Variants in CHD9 observed in about 807,000 individuals in gnomAD.
CHD9 encodes the protein ATP-dependent chromatin remodeler CHD9.
In CHD9, 77 loss-of-function variants were observed where a neutral mutation model predicts 316.1. That is an observed-to-expected ratio of 0.24 (90% CI 0.20 to 0.29). The LOEUF is 0.29. CHD9 is among the 10% of genes least tolerant of loss of function. The pLI is 1.00. For missense variants in CHD9, 2,763 were observed against 3,438.1 expected (o/e 0.80, Z 4.91); for synonymous variants, 1,129 against 1,158.3 (o/e 0.97, Z 0.51).
At chr16:53,197,503 G>A (rs966771774) in intron 2 of CHD9, among the ~76,000 whole-genome samples, 1 of 152,032 alleles carries the variant, frequency 6.6e-6, no homozygotes, top group Non-Finnish European at 1.5e-5. Context: ...TTTATATCAG[G>A]ACTCTATTAT....
intron 22 of CHD9, among the ~76,000 whole-genome samples, chr16:53,272,106 G>A (rs1379441592): frequency 6.6e-6 from 1 of 151,968 alleles, no homozygotes; most frequent in Non-Finnish European, 1.5e-5. Flanking sequence ...ATACTTTAAA[G>A]AGATATTATT....
Position 53,156,509 on chromosome 16 carries a change from T to A in CHD9, c.420T>A (p.Pro140=). Residue 140 remains proline (P), a synonymous_variant, in exon 2 of 39, where the codon CCT becomes CCA. Transcript: ENST00000447540. ...CCATTTCAAATCAAAATGGATCTCC[T>A]TTTCACCAACAAGGACATTCACACT... is the stretch of plus-strand genomic sequence containing the variant. ...ATTISNQNGS[P]FHQQGHSHSM... is the part of the protein sequence containing the mutation. 6.2e-7 allele frequency: 1 copy of A among 1,613,968 alleles called. No homozygotes were observed. Among genetic ancestry groups the A allele is most frequent in the South Asian group, 1.1e-5 (1 of 91,078 alleles).
intron 1 of CHD9, among the ~76,000 whole-genome samples, chr16:53,096,056 A>AT (rs534002075): frequency 2.8e-3 from 394 of 138,632 alleles, no homozygotes; most frequent in African/African-American, 4.4e-3. Context: ...GACTGTGAAG[A>AT]TTTTTTTTTT....
rs372194713 is a variant in CHD9, at chr16:53,324,587, C to T, written c.8386C>T (p.Leu2796=). ...TGCCAACCCATTAGCTCTTAACCCACTATTACTATCTAATATACTTTATCC... is the reference window on the plus strand; with the variant it reads ...TGCCAACCCATTAGCTCTTAACCCATTATTACTATCTAATATACTTTATCC... ...AAANPLALNP[L]LLSNILYPGM... Residue 2796 remains leucine (L), a synonymous_variant, in exon 39 of 39, where the codon CTA becomes TTA. Transcript: ENST00000447540. 4.3e-6 allele frequency: 7 copies of T among 1,613,536 alleles called. No individual in the cohort carries two copies. The African/African-American group carries it at 9.3e-5, about 22-fold the overall frequency.
chr16:53,306,355 C>T lies in CHD9; in HGVS notation c.6738C>T (p.Ile2246=), dbSNP rs546646022. Residue 2246 remains isoleucine (I), a synonymous_variant, in exon 32 of 39, where the codon ATC becomes ATT. Coordinates refer to ENST00000447540, the MANE Select transcript of CHD9 (RefSeq NM_001308319.2). ...MNNGTPESAY[I]LQGGYMLAAS... is the part of the protein sequence containing the mutation. ...ATGGGACACCAGAGTCTGCTTATAT[C>T]TTACAAGGTGGATATATGCTGGCAG... The T allele has an allele frequency of 2.5e-6, 4 of 1,608,278 alleles. No homozygotes were observed. Among genetic ancestry groups the T allele is most frequent in the Admixed American group, 3.4e-5 (2 of 58,834 alleles).
In CHD9 at chr16:53,292,880, G is replaced by A. The variant is rs2054463235; in HGVS notation, c.5338G>A (p.Ala1780Thr). The change falls in exon 29 of 39, where the codon GCT becomes ACT. Residue 1780 changes from alanine (A) to threonine (T), a missense_variant. Physicochemically the swap from Ala to Thr is moderately conservative, Grantham distance 58. Transcript: ENST00000447540. ...TAAAGTATATTGGCCTACTCAATCAGCTTTAACCACACGTTTGAGGCGTCT... is the reference window on the plus strand; with the variant it reads ...TAAAGTATATTGGCCTACTCAATCAACTTTAACCACACGTTTGAGGCGTCT... Reference protein sequence around the residue: ...GDKVYWPTQSALTTRLRRLIT... With the variant: ...GDKVYWPTQSTLTTRLRRLIT... The A allele has an allele frequency of 6.2e-7, 1 of 1,613,740 alleles. No individual in the cohort carries two copies. Among genetic ancestry groups the A allele is most frequent in the Admixed American group, 1.7e-5 (1 of 59,958 alleles).
chr16:53,222,397 AAGTACATTAATTGTACTTCTG>A (rs1243420396), intron 3 of CHD9, among the ~76,000 whole-genome samples: 1 of 152,128 alleles, frequency 6.6e-6, no homozygotes, highest in East Asian at 1.9e-4. Context: ...CTGTGTTTAG[AAGTACATTAATTGTACTTCTG>A]AGTACATTAA....
rs1400929011 is a variant in CHD9 at position 53,132,481 on chromosome 16, T to G, written c.-164-23445T>G. Among the ~76,000 whole-genome samples the G allele has an allele frequency of 3.3e-5, 5 of 152,234 alleles. No individual in the cohort carries two copies. The East Asian group carries it at 9.6e-4, about 29-fold the overall frequency. ...ACCCATTCCCTAGACTCTAGATAAC[T>G]GTAGAAGTAGTTTTAAAAGAACCAC... On this transcript the variant is annotated intron_variant, in intron 1 of 38. Coordinates refer to ENST00000447540, the MANE Select transcript of CHD9 (RefSeq NM_001308319.2).
intron 1 of CHD9, among the ~76,000 whole-genome samples, chr16:53,112,290 T>C (rs1052324016): frequency 1.3e-5 from 2 of 152,204 alleles, no homozygotes; most frequent in East Asian, 1.9e-4. Flanking sequence ...TGAATTTAAG[T>C]AGTCCCTTCC....
chr16:53,321,194 G>C (rs2057250867), intron 37 of CHD9: 1 of 1,293,912 alleles, frequency 7.7e-7, no homozygotes, highest in Non-Finnish European at 1.0e-6. Context: ...GAGATTTACT[G>C]ATTTGCTCGA....
intron 37 of CHD9, 164 bp from the exon 38 acceptor site, chr16:53,321,362 C>T (rs2057262943): frequency 7.2e-7 from 1 of 1,390,822 alleles, no homozygotes; most frequent in African/African-American, 1.5e-5. Context: ...ATCAGTAGTC[C>T]ATAGGGTCAC....
intron 2 of CHD9, among the ~76,000 whole-genome samples, chr16:53,187,008 A>G (rs756766215): frequency 3.9e-5 from 6 of 152,190 alleles, no homozygotes; most frequent in Non-Finnish European, 5.9e-5. Context: ...GAAGACTTGG[A>G]GAGGGAAAAT....
At chr16:53,238,827 G>C (rs1358173634) in intron 12 of CHD9, among the ~76,000 whole-genome samples, 1 of 152,072 alleles carries the variant, frequency 6.6e-6, no homozygotes, top group Non-Finnish European at 1.5e-5. Flanking sequence ...AACAATGCAC[G>C]AGTTTCATTG....
Position 53,249,885 on chromosome 16 carries a change from G to A in CHD9, c.3680G>A (p.Arg1227Gln). The A allele has an allele frequency of 1.2e-6, 2 of 1,612,236 alleles. No individual in the cohort carries two copies. The highest frequency in any genetic ancestry group is 8.5e-7 in the Non-Finnish European group (1 of 1,178,476). The change falls in exon 17 of 39, where the codon CGA (arginine) becomes CAA (glutamine). Residue 1227 changes from arginine to glutamine, a missense_variant. Transcript: ENST00000447540. ...YLIHKRYLYE[R>Q]IDGRVRGNLR... ...TCATTCCATAGATACTTATATGAGC[G>A]AATTGATGGCAGAGTCAGAGGAAAT...
intron 3 of CHD9, among the ~76,000 whole-genome samples, 170 bp downstream of exon 3, chr16:53,209,983 G>A (rs2046200134): frequency 1.3e-5 from 2 of 151,974 alleles, no homozygotes; most frequent in South Asian, 2.1e-4. Context: ...AATATTCCAG[G>A]ATCTCCCAAA....
Position 53,119,832 on chromosome 16 carries a change from G to GA in CHD9, c.-164-36086dup, listed in dbSNP as rs555165009. ...GGGTGCCAGAGCGAAACTCCATACTGAAAAAAAACAAAACAACAAAAACAA... is the reference window on the plus strand; with the variant it reads ...GGGTGCCAGAGCGAAACTCCATACTGAAAAAAAAACAAAACAACAAAAACAA... On this transcript the variant is annotated intron_variant, in intron 1 of 38. Coordinates refer to ENST00000447540, the MANE Select transcript of CHD9 (RefSeq NM_001308319.2). Among the ~76,000 whole-genome samples the GA allele has an allele frequency of 6.3e-4, 95 of 151,554 alleles. No individual in the cohort carries two copies. The South Asian group carries it at 0.014, about 22-fold the overall frequency.
chr16:53,098,906 A>G (rs770686690), intron 1 of CHD9, among the ~76,000 whole-genome samples: 14 of 152,190 alleles, frequency 9.2e-5, no homozygotes, highest in South Asian at 4.1e-4. Context: ...CAGTTCTCAG[A>G]GCCAGGCCAA....
chr16:53,281,321 A>G (rs1014837717), intron 24 of CHD9, among the ~76,000 whole-genome samples: 2 of 152,092 alleles, frequency 1.3e-5, no homozygotes, highest in Non-Finnish European at 2.9e-5. Flanking sequence ...TAGTAAATAT[A>G]CAACCCATTG....
chr16:53,084,343 A>T (rs1385751052), intron 1 of CHD9, among the ~76,000 whole-genome samples: 1 of 152,174 alleles, frequency 6.6e-6, no homozygotes, highest in Non-Finnish European at 1.5e-5. Flanking sequence ...AACTTGCCCT[A>T]CCCAAAGAAA....
Sources: allele counts gnomAD v4.1 joint callset (sites outside exome capture counted in the v4.1 genomes callset), GRCh38; gene constraint gnomAD v4.1.1; transcripts MANE v1.5; gene names NCBI Gene and HGNC (gene_info 2026-07-23, HGNC 2026-07-21).